Variants in DOK6 observed in about 807,000 individuals in gnomAD.
DOK6 encodes the protein docking protein 6, also known as downstream of tyrosine kinase 6.
A neutral mutation model predicts 44.0 loss-of-function variants in DOK6; 22 were observed. The ratio of observed to expected loss-of-function variants is 0.50; its 90% CI spans 0.36 to 0.71. The LOEUF is 0.71. DOK6 is among the 30% of genes least tolerant of loss of function. The pLI, the probability that DOK6 is intolerant of heterozygous loss-of-function variation, is 0.00. For missense variants in DOK6, 340 were observed against 416.4 expected (o/e 0.82, Z 1.60); for synonymous variants, 166 against 145.5 (o/e 1.14, Z -1.01).
intron 7 of DOK6, among the ~76,000 whole-genome samples, chr18:69,827,340 T>C (rs1981770542): frequency 2.0e-5 from 3 of 152,122 alleles, no homozygotes; most frequent in African/African-American, 2.4e-5. Context: ...TTTAAAGCCA[T>C]GACCATTTGG....
chr18:69,479,017 G>T (rs559492634), intron 1 of DOK6, among the ~76,000 whole-genome samples: 1 of 152,234 alleles, frequency 6.6e-6, no homozygotes, highest in Non-Finnish European at 1.5e-5. Context: ...TAGATATTTT[G>T]TCCGTTTCAT....
chr18:69,495,073 C>T (rs1408378733), intron 1 of DOK6, among the ~76,000 whole-genome samples: 6 of 152,216 alleles, frequency 3.9e-5, no homozygotes, highest in Admixed American at 3.9e-4. Flanking sequence ...AGGATGGGCA[C>T]CTCCAGGTGC....
chr18:69,416,037 C>T (rs1413173407), intron 1 of DOK6, among the ~76,000 whole-genome samples: 1 of 150,802 alleles, frequency 6.6e-6, no homozygotes, highest in Non-Finnish European at 1.5e-5. Flanking sequence ...CTTCTGCTTT[C>T]CAGATCTCTA....
At chr18:69,496,487 A>G (rs1307156499) in intron 1 of DOK6, among the ~76,000 whole-genome samples, 3 of 152,236 alleles carry the variant, frequency 2.0e-5, no homozygotes, top group Admixed American at 1.3e-4. Flanking sequence ...CATCAGTGCT[A>G]TCTCGTTCAG....
intron 2 of DOK6, among the ~76,000 whole-genome samples, chr18:69,578,080 T>C (rs1599202299): frequency 6.6e-6 from 1 of 152,070 alleles, no homozygotes; most frequent in East Asian, 1.9e-4. Flanking sequence ...AATAAATAAA[T>C]AAATAAATTA....
intron 2 of DOK6, among the ~76,000 whole-genome samples, chr18:69,598,270 G>A (rs1397570855): frequency 6.6e-6 from 1 of 151,292 alleles, no homozygotes; most frequent in Non-Finnish European, 1.5e-5. Flanking sequence ...ACTATAATAT[G>A]CAAATGTGTA....
intron 4 of DOK6, among the ~76,000 whole-genome samples, chr18:69,690,978 C>G (rs974039613): frequency 4.6e-5 from 7 of 151,928 alleles, no homozygotes; most frequent in African/African-American, 1.7e-4. Flanking sequence ...GCCAGGAGTT[C>G]AAGACCAGCC....
intron 5 of DOK6, among the ~76,000 whole-genome samples, chr18:69,733,328 TTAG>T (rs1409803522): frequency 6.6e-6 from 1 of 152,200 alleles, no homozygotes; most frequent in Non-Finnish European, 1.5e-5. Context: ...TAAATAACAG[TTAG>T]TAGGTTTTGT....
chr18:69,640,060 G>A (rs1984903681), intron 3 of DOK6, among the ~76,000 whole-genome samples: 1 of 152,074 alleles, frequency 6.6e-6, no homozygotes, highest in Non-Finnish European at 1.5e-5. Context: ...CAGCCTTTCT[G>A]CTCATTTTAT....
intron 3 of DOK6, among the ~76,000 whole-genome samples, chr18:69,672,710 G>T (rs559026351): frequency 1.3e-5 from 2 of 150,670 alleles, no homozygotes; most frequent in Admixed American, 1.3e-4. Flanking sequence ...AAAAAAAAGG[G>T]GGGGGTGGGG....
chr18:69,762,297 C>T (rs1327366163), intron 7 of DOK6, among the ~76,000 whole-genome samples: 1 of 152,176 alleles, frequency 6.6e-6, no homozygotes, highest in Non-Finnish European at 1.5e-5. Context: ...GCCATGATCA[C>T]ACCACTGCAC....
chr18:69,590,591 G>A (rs1983600772), intron 2 of DOK6, among the ~76,000 whole-genome samples: 1 of 152,134 alleles, frequency 6.6e-6, no homozygotes, highest in African/African-American at 2.4e-5. Flanking sequence ...CTAAATCATG[G>A]AAAGCCTTCT....
At chr18:69,758,763 G>C (rs979824330) in intron 7 of DOK6, among the ~76,000 whole-genome samples, 2 of 152,228 alleles carry the variant, frequency 1.3e-5, no homozygotes, top group Admixed American at 1.3e-4. Flanking sequence ...TCTGGGGAAA[G>C]TATGACCAAG....
intron 1 of DOK6, among the ~76,000 whole-genome samples, chr18:69,443,608 C>T (rs1407781143): frequency 6.6e-6 from 1 of 152,142 alleles, no homozygotes; most frequent in African/African-American, 2.4e-5. Flanking sequence ...GTGCTTGAGA[C>T]AGTCTAAACT....
intron 4 of DOK6, among the ~76,000 whole-genome samples, chr18:69,690,753 C>G (rs775742405): frequency 9.9e-5 from 15 of 152,114 alleles, no homozygotes; most frequent in Non-Finnish European, 2.1e-4. Flanking sequence ...TTTCTAATAC[C>G]AGATTCTTGA....
chr18:69,726,146 A>G (rs1224766400), intron 5 of DOK6, among the ~76,000 whole-genome samples: 2 of 152,154 alleles, frequency 1.3e-5, no homozygotes, highest in Non-Finnish European at 2.9e-5. Flanking sequence ...AGACTTTGAA[A>G]ATCATTTTTA....
Position 69,575,413 on chromosome 18 carries a change from A to C in DOK6, c.174+10819A>C, listed in dbSNP as rs564560440. Reference sequence around the variant, plus strand: ...ATTAAAGTTAAGGTAGGTGTATATCAAAGCCCATGTGCAAAAGCAGATCCA... The same window carrying C: ...ATTAAAGTTAAGGTAGGTGTATATCCAAGCCCATGTGCAAAAGCAGATCCA... On this transcript the variant is annotated intron_variant, in intron 2 of 7. Transcript: ENST00000382713. 2.3e-4 allele frequency among the ~76,000 whole-genome samples: 35 copies of C among 152,262 alleles called. No homozygotes were observed. The Middle Eastern group carries it at 0.01, about 44-fold the overall frequency.
At chr18:69,831,431 T>C (rs371569800) in intron 7 of DOK6, among the ~76,000 whole-genome samples, 9 of 152,214 alleles carry the variant, frequency 5.9e-5, no homozygotes, top group African/African-American at 1.9e-4. Context: ...CTTTAACCCA[T>C]TCCTGCTGAC....
intron 1 of DOK6, among the ~76,000 whole-genome samples, chr18:69,498,129 A>G (rs575873925): frequency 6.6e-6 from 1 of 152,202 alleles, no homozygotes; most frequent in African/African-American, 2.4e-5. Flanking sequence ...TAATCTTACT[A>G]TGTGCATAGG....
Sources: allele counts gnomAD v4.1 joint callset (sites outside exome capture counted in the v4.1 genomes callset), GRCh38; gene constraint gnomAD v4.1.1; transcripts MANE v1.5; gene names NCBI Gene and HGNC (gene_info 2026-07-23, HGNC 2026-07-21).